Variants in SGCZ observed in about 807,000 individuals in gnomAD.
SGCZ encodes zeta-sarcoglycan.
Under a neutral mutation model 41.3 loss-of-function variants are expected in SGCZ, and 40 were observed. The observed-to-expected ratio is 0.97, with a 90% CI of 0.75 to 1.26. The LOEUF (loss-of-function observed/expected upper bound fraction) is 1.26. Among genes scored for constraint, SGCZ ranks in the 50% most tolerant of loss-of-function variants. SGCZ has a pLI of 0.00. For synonymous variants in SGCZ, 206 were observed against 137.5 expected (o/e 1.50, Z -3.49); for missense variants, 552 against 369.8 (o/e 1.49, Z -4.04).
intron 2 of SGCZ, among the ~76,000 whole-genome samples, chr8:14,472,522 A>C (rs1801241832): frequency 6.6e-6 from 1 of 152,114 alleles, no homozygotes; most frequent in Non-Finnish European, 1.5e-5. Context: ...AGAAAGACCC[A>C]AAGTAGTTTC....
At chr8:14,426,457 T>C (rs1799785257) in intron 2 of SGCZ, among the ~76,000 whole-genome samples, 1 of 151,988 alleles carries the variant, frequency 6.6e-6, no homozygotes, top group Non-Finnish European at 1.5e-5. Flanking sequence ...AATATGTGTA[T>C]GCCACTAGAG....
intron 1 of SGCZ, among the ~76,000 whole-genome samples, chr8:14,655,189 C>A (rs951762003): frequency 6.6e-6 from 1 of 152,056 alleles, no homozygotes; most frequent in Non-Finnish European, 1.5e-5. Flanking sequence ...TGGGTATGAA[C>A]TGTAAGTTAT....
chr8:14,669,144 G>A (rs1038655798), intron 1 of SGCZ, among the ~76,000 whole-genome samples: 1 of 151,540 alleles, frequency 6.6e-6, no homozygotes, highest in Non-Finnish European at 1.5e-5. Context: ...ACACCAGCCT[G>A]AGCAACATGG....
chr8:14,922,403 C>T (rs1563365196), intron 1 of SGCZ, among the ~76,000 whole-genome samples: 1 of 151,978 alleles, frequency 6.6e-6, no homozygotes, highest in South Asian at 2.1e-4. Flanking sequence ...ATTGAGAAAA[C>T]AGTGATTCGA....
chr8:14,717,391 G>A (rs1809726731), intron 1 of SGCZ, among the ~76,000 whole-genome samples: 1 of 152,014 alleles, frequency 6.6e-6, no homozygotes, highest in Non-Finnish European at 1.5e-5. Context: ...ACAGTAATAT[G>A]CTTAAAATCA....
chr8:14,184,568 A>G (rs919681699), intron 4 of SGCZ, among the ~76,000 whole-genome samples: 14 of 152,200 alleles, frequency 9.2e-5, no homozygotes, highest in African/African-American at 3.4e-4. Flanking sequence ...CAGAGCTGAT[A>G]AAGCCAAACC....
At position 14,545,472 on chromosome 8, in the gene SGCZ, A is replaced by G. The variant is rs142263427; in HGVS notation, c.234+9260T>C. ...AACCCTTCTTAAGATTATTACTTTT[A>G]TTTCATTTTAAAACTTAAAATTCTT... On this transcript the variant is annotated intron_variant, in intron 2 of 7. Coordinates refer to ENST00000382080, the MANE Select transcript of SGCZ (RefSeq NM_139167.4). 8.0e-3 allele frequency among the ~76,000 whole-genome samples: 1,211 copies of G among 151,172 alleles called. 17 individuals carry two copies. The highest frequency in any genetic ancestry group is 0.028 in the African/African-American group (1,163 of 41,254).
chr8:14,782,683 GAAAAAAAATTATTAGC>G (rs1295368685), intron 1 of SGCZ, among the ~76,000 whole-genome samples: 3 of 151,842 alleles, frequency 2.0e-5, no homozygotes, highest in Non-Finnish European at 2.9e-5. Context: ...GATGGTTATA[GAAAAAAAATTATTAGC>G]AGATGCAATA....
chr8:14,102,105 A>ATTT (rs11294521), intron 7 of SGCZ, among the ~76,000 whole-genome samples: 1 of 43,862 alleles, frequency 2.3e-5, no homozygotes. Flanking sequence ...TATATATATA[A>ATTT]TTTTTTTTTT....
At chr8:14,745,824 T>C (rs1799325431) in intron 1 of SGCZ, among the ~76,000 whole-genome samples, 1 of 152,086 alleles carries the variant, frequency 6.6e-6, no homozygotes. Context: ...GTAGGGAATT[T>C]AGTATATTAT....
intron 2 of SGCZ, among the ~76,000 whole-genome samples, chr8:14,517,509 C>G (rs985174101): frequency 1.3e-5 from 2 of 151,890 alleles, no homozygotes; most frequent in African/African-American, 4.8e-5. Flanking sequence ...CTAAAATAGG[C>G]CTTTAACTTT....
chr8:14,144,367 C>T (rs895276531), intron 5 of SGCZ, among the ~76,000 whole-genome samples: 2 of 152,166 alleles, frequency 1.3e-5, no homozygotes, highest in African/African-American at 4.8e-5. Flanking sequence ...TCTAGATAGA[C>T]CCTGGGCCAG....
At chr8:15,089,843 T>C (rs569183217) in intron 1 of SGCZ, among the ~76,000 whole-genome samples, 78 of 152,320 alleles carry the variant, frequency 5.1e-4, no homozygotes, top group African/African-American at 1.9e-3. Context: ...TGATGTGGTC[T>C]TAACTGATGG....
At chr8:14,233,549 ATACTT>A (rs1563201390) in intron 4 of SGCZ, among the ~76,000 whole-genome samples, 1 of 148,816 alleles carries the variant, frequency 6.7e-6, no homozygotes, top group East Asian at 1.9e-4. Context: ...AAACTGCATA[ATACTT>A]TATTTATACT....
chr8:14,626,104 C>G (rs1251262577), intron 1 of SGCZ, among the ~76,000 whole-genome samples: 1 of 152,122 alleles, frequency 6.6e-6, no homozygotes, highest in Non-Finnish European at 1.5e-5. Flanking sequence ...TAACATAACA[C>G]AGAGTTATAT....
At chr8:15,162,951 A>G (rs1799557231) in intron 1 of SGCZ, among the ~76,000 whole-genome samples, 1 of 152,228 alleles carries the variant, frequency 6.6e-6, no homozygotes, top group Non-Finnish European at 1.5e-5. Context: ...AAGTGGTCGG[A>G]GTAGGCAGCA....
intron 1 of SGCZ, among the ~76,000 whole-genome samples, chr8:15,166,441 G>A (rs1184492514): frequency 6.6e-6 from 1 of 151,654 alleles, no homozygotes; most frequent in Non-Finnish European, 1.5e-5. Context: ...GTAGAGATGG[G>A]GTTTCACCGT....
intron 2 of SGCZ, among the ~76,000 whole-genome samples, chr8:14,548,033 G>C (rs932464252): frequency 2.6e-5 from 4 of 152,126 alleles, no homozygotes; most frequent in African/African-American, 9.7e-5. Flanking sequence ...GGATAAGTCT[G>C]ATAGTATATG....
chr8:14,621,475 C>CA lies in SGCZ; in HGVS notation c.40-66550dup, dbSNP rs964305703. Among the ~76,000 whole-genome samples the CA allele has an allele frequency of 2.3e-4, 34 of 149,390 alleles. 1 individual carries two copies. The highest frequency in any genetic ancestry group is 3.4e-3 in the Middle Eastern group (1 of 292). On this transcript the variant is annotated intron_variant, in intron 1 of 7. Transcript: ENST00000382080. ...AAAAATAAAGATTCCTTGGGAAGCA[C>CA]AAAAAAAATAAAAATAAAATAAAAT...
Sources: gnomAD v4.1 joint callset for allele counts (sites outside exome capture counted in the v4.1 genomes callset) on GRCh38, gnomAD v4.1.1 for gene constraint, MANE v1.5 for transcripts, NCBI Gene and HGNC (gene_info 2026-07-23, HGNC 2026-07-21) for gene names.